The following LIG1 variants were observed in gnomAD, a reference collection of about 807,000 sequenced individuals.
The protein encoded by LIG1 is DNA ligase 1, also known as ligase I, DNA, ATP-dependent.
Under a neutral mutation model 115.7 loss-of-function variants are expected in LIG1, and 70 were observed. The ratio of observed to expected loss-of-function variants is 0.60; its 90% confidence interval spans 0.50 to 0.74. The LOEUF is 0.74. LIG1 is among the 30% of genes least tolerant of loss of function. The pLI is 0.00. For synonymous variants in LIG1, 487 were observed against 495.3 expected, an observed-to-expected ratio of 0.98 and a Z score of 0.22; for missense variants, 1,115 against 1,225.6, an observed-to-expected ratio of 0.91 and a Z score of 1.35.
chr19:48,127,455 T>G, intron 20 of LIG1, 107 bp from the exon 21 acceptor site: 2 of 1,021,460 alleles, frequency 2.0e-6, no homozygotes, highest in Non-Finnish European at 3.1e-6. Context: ...CCCACCTAAC[T>G]GGCTGCCCAT....
At chr19:48,159,165 T>A (rs2036027652) in intron 4 of LIG1, among the ~76,000 whole-genome samples, 1 of 151,178 alleles carries the variant, frequency 6.6e-6, no homozygotes, top group Non-Finnish European at 1.5e-5. Flanking sequence ...ACAACCTCCA[T>A]CTCCCAGGTT....
intron 12 of LIG1, among the ~76,000 whole-genome samples, chr19:48,139,080 C>G (rs3730954): frequency 6.6e-6 from 1 of 152,088 alleles, no homozygotes; most frequent in African/African-American, 2.4e-5. Flanking sequence ...TCTCCCCAGG[C>G]GGATGAGAAC....
intron 26 of LIG1, 36 bp downstream of exon 26, chr19:48,117,602 C>A (rs773214608): frequency 2.5e-6 from 4 of 1,607,622 alleles, no homozygotes; most frequent in Non-Finnish European, 3.4e-6. Flanking sequence ...GCCCAGAATC[C>A]CACACAGGGC....
At position 48,140,059 on chromosome 19, in the gene LIG1, G is replaced by A. The variant is rs1032473510; in HGVS notation, c.999C>T (p.Leu333=). The change falls in exon 12 of 28, where the codon CTC becomes CTT. Residue 333 remains leucine, a synonymous_variant. Coordinates refer to ENST00000263274, the MANE Select transcript of LIG1 (RefSeq NM_000234.3). ...GGGGTGGCCCAAGGTGGTTGAGGCT[G>A]AGGTAGAGGACAGGGAGGAGGTCTG... The part of the protein sequence containing the change: ...SPPDLLPVLY[L]SLNHLGPPQQ... 3 of 1,613,960 alleles carry A rather than the reference G, an allele frequency of 1.9e-6. No homozygotes were observed. Among genetic ancestry groups the A allele is most frequent in the Non-Finnish European group, 2.5e-6 (3 of 1,180,052 alleles).
chr19:48,115,485 G>A lies in LIG1; in HGVS notation c.*164C>T. 1 of 645,700 alleles carries A rather than the reference G, an allele frequency of 1.5e-6. No individual in the cohort carries two copies. Among genetic ancestry groups the A allele is most frequent in the South Asian group, 1.7e-5 (1 of 58,498 alleles). The allele number at this position is 645,700 out of a possible 1,614,324, so 40.0% of individuals were successfully genotyped here. On this transcript the variant is annotated 3_prime_UTR_variant, in exon 28 of 28. Coordinates refer to ENST00000263274, the MANE Select transcript of LIG1 (RefSeq NM_000234.3). Reference sequence around the variant, plus strand: ...TATTTATTGAAAGAAATGACGGGATGAATCCCAGACTCCGGAGTAAGCCAC... The same window carrying A: ...TATTTATTGAAAGAAATGACGGGATAAATCCCAGACTCCGGAGTAAGCCAC...
chr19:48,138,489 G>GA (rs2034539435), intron 12 of LIG1, among the ~76,000 whole-genome samples: 1 of 152,228 alleles, frequency 6.6e-6, no homozygotes, highest in African/African-American at 2.4e-5. Flanking sequence ...CGCCTGAAGC[G>GA]AAACTGCCAC....
At chr19:48,151,753 C>T (rs896955979) in intron 6 of LIG1, among the ~76,000 whole-genome samples, 2 of 152,102 alleles carry the variant, frequency 1.3e-5, no homozygotes, top group Admixed American at 6.6e-5. Context: ...CAGTGGGCCA[C>T]GTAAGACCCT....
intron 11 of LIG1, among the ~76,000 whole-genome samples, chr19:48,141,595 T>C (rs1052063867): frequency 2.6e-5 from 4 of 152,228 alleles, no homozygotes; most frequent in Non-Finnish European, 5.9e-5. Flanking sequence ...ACCAAGGCCG[T>C]GTGCCTGAGG....
chr19:48,149,835 C>CCG lies in LIG1; in HGVS notation c.703_704insCG (p.Arg235ProfsTer10). On this transcript the variant is annotated frameshift_variant, in exon 9 of 28. Transcript: ENST00000263274. LOFTEE classifies it high-confidence loss of function. ...CACTTCTTTTTTGACTGCTGGCTTCCGGGGGGCTAGGAATGAAGACAGAAA... is the reference window on the plus strand; with the variant it reads ...CACTTCTTTTTTGACTGCTGGCTTCCCGGGGGGGCTAGGAATGAAGACAGAAA... The CCG allele has an allele frequency of 6.2e-7, 1 of 1,613,894 alleles. No individual in the cohort carries two copies.
rs765097221 is a variant in LIG1, at chr19:48,140,096, G to A, written c.962C>T (p.Ala321Val). 33 of 1,613,736 alleles carry A rather than the reference G, an allele frequency of 2.0e-5. No homozygotes were observed. The highest frequency in any genetic ancestry group is 2.7e-5 in the Non-Finnish European group (32 of 1,180,028). ...TLSNLLRSVV[A>V]LSPPDLLPVL... is the part of the protein sequence containing the mutation. Reference sequence around the variant, plus strand: ...AGGGAGGAGGTCTGGAGGCGACAGGGCCACCACGGAGCGCAGCAAGTTGCT... The same window carrying A: ...AGGGAGGAGGTCTGGAGGCGACAGGACCACCACGGAGCGCAGCAAGTTGCT... The change falls in exon 12 of 28, where the codon GCC becomes GTC. Residue 321 changes from alanine to valine, a missense_variant. Transcript: ENST00000263274.
intron 6 of LIG1, among the ~76,000 whole-genome samples, chr19:48,151,610 T>G (rs2035482253): frequency 6.6e-6 from 1 of 152,092 alleles, no homozygotes; most frequent in East Asian, 1.9e-4. Context: ...TTTGTATTTT[T>G]AGTAGAGATG....
At chr19:48,143,067 C>T (rs3730940) in intron 11 of LIG1, among the ~76,000 whole-genome samples, 23,228 of 152,152 alleles carry the variant, frequency 0.15, 2,070 homozygotes, top group African/African-American at 0.26. Context: ...TAACATGCTG[C>T]TGAGAAGGAC....
At chr19:48,160,366 G>T (rs2036103163) in intron 4 of LIG1, among the ~76,000 whole-genome samples, 1 of 152,160 alleles carries the variant, frequency 6.6e-6, no homozygotes, top group Non-Finnish European at 1.5e-5. Context: ...GAAGGTAGTG[G>T]CCCAGAGGTG....
chr19:48,131,395 C>G (rs1192567886), intron 18 of LIG1, among the ~76,000 whole-genome samples: 2 of 152,230 alleles, frequency 1.3e-5, no homozygotes, highest in African/African-American at 4.8e-5. Context: ...CCCTACACCT[C>G]TCCCCATGTA....
At chr19:48,116,128 G>T (rs986857066) in intron 26 of LIG1, 163 bp from the exon 27 acceptor site, 10 of 657,222 alleles carry the variant, frequency 1.5e-5, no homozygotes, top group African/African-American at 1.4e-4. Flanking sequence ...AACAGTACCC[G>T]GGCACAGTAA....
In LIG1 at chr19:48,156,993, CAGG is replaced by C; in HGVS notation, c.370+18_370+20del. 1 of 427,626 alleles carries C rather than the reference CAGG, an allele frequency of 2.3e-6. No homozygotes were observed. The highest frequency in any genetic ancestry group is 3.3e-6 in the Non-Finnish European group (1 of 304,500). The allele number at this position is 427,626 out of a possible 1,614,324, so 26.5% of individuals were successfully genotyped here. On this transcript the variant is annotated intron_variant, in intron 5 of 27. Transcript: ENST00000263274. ...AAAGAAAGGCAGGCGACTGAAGGGG[CAGG>C]GGCCCGTGTGTTCTCACCTGTGCGA...
At chr19:48,135,603 C>G in intron 16 of LIG1, 77 bp downstream of exon 16, 1 of 1,158,696 alleles carries the variant, frequency 8.6e-7, no homozygotes, top group South Asian at 1.2e-5. Flanking sequence ...GCCCCACCCA[C>G]TGCTCCTCTG....
chr19:48,127,337 C>A lies in LIG1; in HGVS notation c.1944G>T (p.Ala648=), dbSNP rs143842035. The change falls in exon 21 of 28, where the codon GCG becomes GCT. Residue 648 remains alanine, a synonymous_variant. Transcript: ENST00000263274. ...AACACACCTGCACCTGGATCTCAGA[C>A]GCATCCACCTCCTGGGTTGGGGCAC... ...LTTRKRKEVD[A]SEIQVQVCLY... 5 of 1,613,366 alleles carry A rather than the reference C, an allele frequency of 3.1e-6. No individual in the cohort carries two copies. The highest frequency in any genetic ancestry group is 4.2e-6 in the Non-Finnish European group (5 of 1,179,998).
intron 16 of LIG1, among the ~76,000 whole-genome samples, chr19:48,134,424 G>A (rs967060693): frequency 3.3e-5 from 5 of 152,226 alleles, no homozygotes; most frequent in Admixed American, 6.5e-5. Context: ...TTGGGAGGCC[G>A]AGGTGGGTGC....
Sources: allele counts gnomAD v4.1 joint callset (sites outside exome capture counted in the v4.1 genomes callset), GRCh38; gene constraint gnomAD v4.1.1; transcripts MANE v1.5; gene names NCBI Gene and HGNC (gene_info 2026-07-23, HGNC 2026-07-21).